KIAA0586: variants seen among roughly 807,000 people sequenced by gnomAD.
KIAA0586 encodes the protein protein TALPID3.
A neutral mutation model predicts 169.8 loss-of-function variants in KIAA0586; 144 were observed. The ratio of observed to expected loss-of-function variants is 0.85; its 90% CI spans 0.74 to 0.97. The LOEUF is 0.97. KIAA0586 is among the 50% of genes least tolerant of loss of function. The pLI is 0.00. For synonymous variants in KIAA0586, 625 were observed against 612.4 expected, an observed-to-expected ratio of 1.02 and a Z score of -0.30; for missense variants, 1,854 against 1,823.0, an observed-to-expected ratio of 1.02 and a Z score of -0.31.
intron 4 of KIAA0586, chr14:58,440,229 G>T (rs2038200874): frequency 2.3e-6 from 1 of 438,354 alleles, no homozygotes; most frequent in Non-Finnish European, 4.6e-6. Context: ...TTAATAAACT[G>T]AGTGACCTTC....
the KIAA0586 span, among the ~76,000 whole-genome samples, chr14:58,559,911 G>A: frequency 6.6e-6 from 1 of 152,172 alleles, no homozygotes; most frequent in Admixed American, 6.5e-5. Context: ...CCAGCACTTT[G>A]GGAGGCTGGG....
chr14:58,527,089 G>A (rs973584385), intron 29 of KIAA0586, among the ~76,000 whole-genome samples: 31 of 151,832 alleles, frequency 2.0e-4, no homozygotes, highest in African/African-American at 5.1e-4. Flanking sequence ...TTGATCAAGC[G>A]GAAGAAAGGA....
chr14:58,474,514 T>C (rs1303035184), intron 18 of KIAA0586, 93 bp from the exon 19 acceptor site: 1 of 792,738 alleles, frequency 1.3e-6, no homozygotes, highest in African/African-American at 1.8e-5. Context: ...TTAGAAGGGT[T>C]TCTTAATTCA....
In KIAA0586 at chr14:58,512,428, T is replaced by C. The variant is rs183477335; in HGVS notation, c.4324-94T>C. ...AAGCAACTAGAAAGCAAGCATATTA[T>C]TAAAATTTTATAAACACTTGAATAA... On this transcript the variant is annotated intron_variant, in intron 28 of 30. Coordinates refer to ENST00000652326, the MANE Select transcript of KIAA0586 (RefSeq NM_001329943.3). 2.1e-5 allele frequency: 14 copies of C among 674,146 alleles called. No individual in the cohort carries two copies. The South Asian group carries it at 2.2e-4, about 10-fold the overall frequency. 41.8% of individuals were successfully genotyped at this position (674,146 alleles called of 1,614,324 possible).
At chr14:58,511,552 G>A (rs933113525) in intron 28 of KIAA0586, among the ~76,000 whole-genome samples, 18 of 152,138 alleles carry the variant, frequency 1.2e-4, no homozygotes, top group Non-Finnish European at 2.5e-4. Flanking sequence ...CAATAGAAAC[G>A]TTCAAAGTCT....
chr14:58,428,029 A>G lies in KIAA0586; in HGVS notation c.-236A>G. 1 of 1,429,780 alleles carries G rather than the reference A, an allele frequency of 7.0e-7. No homozygotes were observed. The highest frequency in any genetic ancestry group is 9.1e-7 in the Non-Finnish European group (1 of 1,099,328). The allele number at this position is 1,429,780 out of a possible 1,614,324, so 88.6% of individuals were successfully genotyped here. ...CTGTGGCCATTCTCTTGTCATCCCC[A>G]CTTTCACATTTTGGCGTGGTGTATT... On this transcript the variant is annotated 5_prime_UTR_variant, in exon 1 of 31. Transcript: ENST00000652326.
intron 4 of KIAA0586, among the ~76,000 whole-genome samples, chr14:58,436,061 A>T (rs2037798392): frequency 6.6e-6 from 1 of 152,170 alleles, no homozygotes; most frequent in Non-Finnish European, 1.5e-5. Context: ...ACCTGCAGTC[A>T]ATACCCTGTT....
chr14:58,484,787 G>A (rs1352062721), intron 21 of KIAA0586, among the ~76,000 whole-genome samples: 1 of 145,426 alleles, frequency 6.9e-6, no homozygotes, highest in East Asian at 2.0e-4. Context: ...GTTTTAAATT[G>A]CATCTTAATT....
At chr14:58,430,041 C>T (rs957054389) in intron 2 of KIAA0586, among the ~76,000 whole-genome samples, 4 of 152,094 alleles carry the variant, frequency 2.6e-5, no homozygotes, top group African/African-American at 9.7e-5. Context: ...TTGAAGCTGG[C>T]AAACTAATAA....
At chr14:58,457,424 C>T (rs924396789) in intron 10 of KIAA0586, among the ~76,000 whole-genome samples, 2 of 152,210 alleles carry the variant, frequency 1.3e-5, no homozygotes, top group Admixed American at 6.5e-5. Context: ...TGTGCCACCA[C>T]ACCTGGCTAA....
intron 8 of KIAA0586, among the ~76,000 whole-genome samples, chr14:58,452,834 G>T (rs1430455898): frequency 2.0e-5 from 3 of 148,188 alleles, no homozygotes; most frequent in Non-Finnish European, 4.5e-5. Context: ...CCTGGTTGTG[G>T]TATAGTTTTT....
At chr14:58,538,799 T>A (rs1310831854) in intron 29 of KIAA0586, among the ~76,000 whole-genome samples, 1 of 152,076 alleles carries the variant, frequency 6.6e-6, no homozygotes, top group Non-Finnish European at 1.5e-5. Flanking sequence ...TTTTCTTTTC[T>A]TTTCCAGCCT....
chr14:58,429,951 G>A (rs1472903501), intron 2 of KIAA0586, among the ~76,000 whole-genome samples: 2 of 152,108 alleles, frequency 1.3e-5, no homozygotes, highest in African/African-American at 4.8e-5. Context: ...GACTTTGACG[G>A]CTAATCATAG....
At chr14:58,511,192 CTTGTTTTAG>C (rs551798830) in intron 28 of KIAA0586, among the ~76,000 whole-genome samples, 294 of 152,178 alleles carry the variant, frequency 1.9e-3, no homozygotes, top group East Asian at 0.011. Flanking sequence ...TAATTGATGG[CTTGTTTTAG>C]AATAAAACTA....
chr14:58,484,493 G>C (rs1436309913), intron 21 of KIAA0586, among the ~76,000 whole-genome samples: 2 of 152,012 alleles, frequency 1.3e-5, no homozygotes, highest in Non-Finnish European at 2.9e-5. Flanking sequence ...TATATGGACA[G>C]AGCTTAATCT....
In KIAA0586 at chr14:58,430,583, C is replaced by T. The variant is rs146230690; in HGVS notation, c.271-65C>T. 375 of 983,838 alleles carry T rather than the reference C, an allele frequency of 3.8e-4. 3 individuals carry two copies. In the East Asian group the frequency reaches 7.5e-3, roughly 20 times the overall value. The allele number at this position is 983,838 out of a possible 1,614,324, so 60.9% of individuals were successfully genotyped here. On this transcript the variant is annotated intron_variant, in intron 2 of 30. Coordinates refer to ENST00000652326, the MANE Select transcript of KIAA0586 (RefSeq NM_001329943.3). ...ACACAGTAGTCACATAGCTAGTAAA[C>T]GGTTCTTGATAAATAATAAATCATG...
intron 25 of KIAA0586, among the ~76,000 whole-genome samples, chr14:58,490,926 A>G (rs1204981600): frequency 1.3e-5 from 2 of 152,052 alleles, no homozygotes; most frequent in African/African-American, 4.8e-5. Context: ...AAGTTATTTC[A>G]CATAGGCCTA....
At chr14:58,456,610 G>T (rs2039872600) in intron 9 of KIAA0586, 92 bp from the exon 10 acceptor site, 2 of 691,124 alleles carry the variant, frequency 2.9e-6, no homozygotes, top group African/African-American at 3.6e-5. Flanking sequence ...CTGTATCAAA[G>T]ATTTGTGTAA....
intron 16 of KIAA0586, among the ~76,000 whole-genome samples, chr14:58,469,484 A>T (rs1449168415): frequency 1.3e-5 from 2 of 152,144 alleles, no homozygotes; most frequent in East Asian, 1.9e-4. Flanking sequence ...ACCTGGGGAC[A>T]CTTCAGCCTG....
Sources: gnomAD v4.1 joint callset for allele counts (sites outside exome capture counted in the v4.1 genomes callset) on GRCh38, gnomAD v4.1.1 for gene constraint, MANE v1.5 for transcripts, NCBI Gene and HGNC (gene_info 2026-07-23, HGNC 2026-07-21) for gene names.